The following SHPRH variants were observed in gnomAD, a reference collection of about 807,000 sequenced individuals.
SHPRH encodes the protein SNF2 histone linker PHD RING helicase.
SHPRH carries 106 observed loss-of-function variants against 202.5 expected under a neutral mutation model. The ratio of observed to expected loss-of-function variants is 0.52; its 90% CI spans 0.45 to 0.62. The LOEUF (loss-of-function observed/expected upper bound fraction) is 0.62, where lower values mean the gene tolerates loss of function less well. Ranked by LOEUF, SHPRH falls within the 20% of genes least tolerant of loss-of-function variation. SHPRH has a pLI of 0.00. For missense variants in SHPRH, 1,710 were observed against 2,020.0 expected (o/e 0.85, Z 2.94); for synonymous variants, 729 against 686.0 (o/e 1.06, Z -0.98).
chr6:145,886,179 A>C lies in SHPRH; in HGVS notation c.*512T>G. On this transcript the variant is annotated 3_prime_UTR_variant, in exon 30 of 30. Transcript: ENST00000275233. ...GTATTACTGCAAAATTACTAGGTGT[A>C]AAGTTATGGTATAAGCCTACTCAAA... The C allele has an allele frequency of 3.4e-6, 1 of 293,000 alleles. No homozygotes were observed. Among genetic ancestry groups the C allele is most frequent in the East Asian group, 5.6e-5 (1 of 17,702 alleles). 18.2% of individuals were successfully genotyped at this position (293,000 alleles called of 1,614,324 possible).
At chr6:145,893,459 T>C in intron 27 of SHPRH, 66 bp from the exon 28 acceptor site, 1 of 1,415,974 alleles carries the variant, frequency 7.1e-7, no homozygotes, top group South Asian at 1.5e-5. Context: ...ATGTAATAGC[T>C]CACTTTAAAG....
At chr6:145,924,268 C>A (rs1784677674) in intron 17 of SHPRH, among the ~76,000 whole-genome samples, 1 of 145,148 alleles carries the variant, frequency 6.9e-6, no homozygotes, top group Admixed American at 7.3e-5. Flanking sequence ...ATTTGCAACA[C>A]CTGATTTAAA....
At chr6:145,871,444 C>G (rs966118621) in intron 2 of SHPRH, 9 of 152,092 alleles carry the variant, frequency 5.9e-5, no homozygotes, top group African/African-American at 2.2e-4. Flanking sequence ...CTTTGATTCA[C>G]AATTGCTACA....
At chr6:145,878,233 C>T (rs971984609) in intron 2 of SHPRH, among the ~76,000 whole-genome samples, 1 of 152,174 alleles carries the variant, frequency 6.6e-6, no homozygotes, top group Non-Finnish European at 1.5e-5. Flanking sequence ...TCCCCCCAAC[C>T]CCATGCACAA....
At chr6:145,915,196 AAAAT>A (rs1351356310) in intron 23 of SHPRH, among the ~76,000 whole-genome samples, 1 of 148,160 alleles carries the variant, frequency 6.7e-6, no homozygotes, top group Non-Finnish European at 1.5e-5. Flanking sequence ...CAATTATAAT[AAAAT>A]AAATTTTAAT....
chr6:145,909,408 G>A (rs1783282638), intron 25 of SHPRH: 1 of 151,950 alleles, frequency 6.6e-6, no homozygotes. Context: ...TCTAACTGTG[G>A]AATTCTGTTT....
intron 2 of SHPRH, among the ~76,000 whole-genome samples, chr6:145,866,392 C>T (rs770689931): frequency 6.6e-6 from 1 of 152,176 alleles, no homozygotes; most frequent in Non-Finnish European, 1.5e-5. Context: ...TCTTATCCTC[C>T]TTTCTACATT....
chr6:145,918,852 G>C (rs894459412), intron 22 of SHPRH: 1 of 153,052 alleles, frequency 6.5e-6, no homozygotes, highest in Non-Finnish European at 1.5e-5. Flanking sequence ...TCTTTTAATG[G>C]AGAATAAAAG....
Position 145,950,456 on chromosome 6 carries a change from GATC to G in SHPRH, c.787_789del (p.Asp263del), listed in dbSNP as rs755677715. ...TCTTGTCCCTCTGGCTCACTCTCCG[GATC>G]ATCTTCATCCTCTTCCAACACATCT... On this transcript the variant is annotated inframe_deletion, in exon 4 of 30. Coordinates refer to ENST00000275233, the MANE Select transcript of SHPRH (RefSeq NM_001042683.3). 9 of 1,612,768 alleles carry G rather than the reference GATC, an allele frequency of 5.6e-6. No individual in the cohort carries two copies. In the African/African-American group the frequency reaches 1.1e-4, roughly 19 times the overall value.
At chr6:145,950,015 T>C (rs1787812430) in intron 4 of SHPRH, among the ~76,000 whole-genome samples, 2 of 152,084 alleles carry the variant, frequency 1.3e-5, no homozygotes, top group Admixed American at 6.6e-5. Context: ...TTTTAAAAAT[T>C]CCAATTGAGG....
At chr6:145,880,809 AATG>A (rs1407688129), downstream of SHPRH, among the ~76,000 whole-genome samples, 1 of 152,064 alleles carries the variant, frequency 6.6e-6, no homozygotes, top group East Asian at 1.9e-4. Context: ...AATAAAACAA[AATG>A]ATGTGAGGTT....
At chr6:145,864,968 C>T (rs567012388) in intron 2 of SHPRH, among the ~76,000 whole-genome samples, 47 of 151,704 alleles carry the variant, frequency 3.1e-4, no homozygotes, top group Non-Finnish European at 5.9e-4. Flanking sequence ...CACACACACA[C>T]ACACACACAC....
chr6:145,922,444 C>T (rs1432148983), intron 19 of SHPRH, 96 bp from the exon 20 acceptor site: 38 of 1,385,160 alleles, frequency 2.7e-5, no homozygotes, highest in Middle Eastern at 4.6e-4. Flanking sequence ...ATTTTTCTTT[C>T]CACTAGATAT....
chr6:145,898,397 T>C (rs2247571), intron 25 of SHPRH, among the ~76,000 whole-genome samples: 1 of 151,864 alleles, frequency 6.6e-6, no homozygotes, highest in African/African-American at 2.4e-5. Flanking sequence ...ATAAATATTA[T>C]ATAACATAAT....
downstream of SHPRH, among the ~76,000 whole-genome samples, chr6:145,862,415 C>CAACAAAACAAAACAA (rs10645746): frequency 6.7e-6 from 1 of 149,836 alleles, no homozygotes; most frequent in African/African-American, 2.5e-5. Context: ...GACTCCGTCT[C>CAACAAAACAAAACAA]AACAAAACAA....
At chr6:145,946,209 T>C (rs376235334) in intron 7 of SHPRH, 24 bp downstream of exon 7, 66 of 1,555,758 alleles carry the variant, frequency 4.2e-5, no homozygotes, top group Non-Finnish European at 5.1e-5. Flanking sequence ...AGAAGGTATT[T>C]CCTTTAAGAG....
At chr6:145,862,837 A>G (rs948155661), downstream of SHPRH, 1 of 152,204 alleles carries the variant, frequency 6.6e-6, no homozygotes, top group African/African-American at 2.4e-5. Context: ...AATTCTCATA[A>G]GTGTCTTAGA....
chr6:145,886,764 T>C lies in SHPRH; in HGVS notation c.4979A>G (p.His1660Arg). Reference protein sequence around the residue: ...ERSHTNSSAKHSEASVLTVAD... With the variant: ...ERSHTNSSAKRSEASVLTVAD... ...CACAGTCAAGACAGAGGCCTCTGAA[T>C]GCTTTGCTGATGAGTTCGTGTGACT... The change falls in exon 30 of 30, where the codon CAT (histidine) becomes CGT (arginine). Residue 1660 changes from histidine (H) to arginine (R), a missense_variant. This residue lies in a region of SHPRH where 306 missense variants were observed against 479.5 expected (regional missense o/e 0.64). Transcript: ENST00000275233. The C allele has an allele frequency of 1.9e-6, 3 of 1,613,714 alleles. No homozygotes were observed. The highest frequency in any genetic ancestry group is 2.5e-6 in the Non-Finnish European group (3 of 1,179,718).
intron 3 of SHPRH, among the ~76,000 whole-genome samples, chr6:145,952,143 T>C (rs1318811328): frequency 1.3e-5 from 2 of 152,100 alleles, no homozygotes; most frequent in Admixed American, 6.6e-5. Context: ...ATTTCTTTAA[T>C]ATTTAATATA....
Sources: allele counts gnomAD v4.1 joint callset (sites outside exome capture counted in the v4.1 genomes callset), GRCh38; gene constraint gnomAD v4.1.1; regional missense constraint gnomAD v4.1.1; transcripts MANE v1.5; gene names NCBI Gene and HGNC (gene_info 2026-07-23, HGNC 2026-07-21).